The following CDC42BPA variants were observed in gnomAD, a reference collection of about 807,000 sequenced individuals.
CDC42BPA encodes the protein CDC42 binding protein kinase alpha, also known as serine/threonine-protein kinase MRCK alpha.
In CDC42BPA, 80 loss-of-function variants were observed where a neutral mutation model predicts 223.5. The ratio of observed to expected loss-of-function variants is 0.36; its 90% CI spans 0.30 to 0.43. The LOEUF is 0.43. CDC42BPA is among the 20% of genes least tolerant of loss of function. The pLI, the probability that CDC42BPA is intolerant of heterozygous loss-of-function variation, is 1.00. For synonymous variants in CDC42BPA, 694 were observed against 718.6 expected (o/e 0.97, Z 0.55); for missense variants, 1,743 against 2,099.9 (o/e 0.83, Z 3.32).
chr1:227,129,515 A>G (rs1656543292), intron 10 of CDC42BPA, among the ~76,000 whole-genome samples: 1 of 151,718 alleles, frequency 6.6e-6, no homozygotes, highest in South Asian at 2.1e-4. Context: ...AAAAGATATA[A>G]AAATTGGCAG....
chr1:227,124,553 T>C (rs934987501), intron 11 of CDC42BPA, among the ~76,000 whole-genome samples: 1 of 152,026 alleles, frequency 6.6e-6, no homozygotes, highest in African/African-American at 2.4e-5. Flanking sequence ...CTTCAATTTG[T>C]ATTTTTTTAA....
intron 17 of CDC42BPA, 60 bp downstream of exon 17, chr1:227,080,833 A>G: frequency 6.9e-6 from 11 of 1,594,540 alleles, no homozygotes; most frequent in Non-Finnish European, 9.4e-6. Flanking sequence ...CCTGGAATTC[A>G]TACCAACTTG....
chr1:227,087,415 A>G (rs1682196578), intron 16 of CDC42BPA, among the ~76,000 whole-genome samples: 1 of 152,340 alleles, frequency 6.6e-6, no homozygotes, highest in East Asian at 1.9e-4. Context: ...CCAGTACTAC[A>G]TGTTTTTGAT....
At chr1:227,062,387 C>T (rs1223224384) in intron 21 of CDC42BPA, among the ~76,000 whole-genome samples, 2 of 152,190 alleles carry the variant, frequency 1.3e-5, no homozygotes, top group Non-Finnish European at 2.9e-5. Context: ...CCTCCTGGTT[C>T]AATCAGAAAT....
intron 1 of CDC42BPA, among the ~76,000 whole-genome samples, chr1:227,256,870 G>A (rs535155926): frequency 4.0e-5 from 6 of 150,918 alleles, no homozygotes; most frequent in Admixed American, 1.3e-4. Context: ...AGCATTATTC[G>A]CAGTAGCCAA....
Position 227,096,445 on chromosome 1 carries a change from T to A in CDC42BPA, c.2250-4454A>T, listed in dbSNP as rs144000648. On this transcript the variant is annotated intron_variant, in intron 15 of 36. Transcript: ENST00000366766. ...TTGTCTTCCCACTCACTGGTAAGCATCCTGAAACAGATTCTGTAACTACTT... is the reference window on the plus strand; with the variant it reads ...TTGTCTTCCCACTCACTGGTAAGCAACCTGAAACAGATTCTGTAACTACTT... 2.3e-4 allele frequency among the ~76,000 whole-genome samples: 35 copies of A among 152,338 alleles called. No individual in the cohort carries two copies. The East Asian group carries it at 5.6e-3, about 24-fold the overall frequency.
intron 2 of CDC42BPA, among the ~76,000 whole-genome samples, chr1:227,243,739 G>C (rs1202618398): frequency 6.8e-6 from 1 of 148,082 alleles, no homozygotes; most frequent in Non-Finnish European, 1.5e-5. Flanking sequence ...GAAATGCCAA[G>C]CCACGGAAAA....
At chr1:227,085,873 A>G (rs1156229702) in intron 16 of CDC42BPA, among the ~76,000 whole-genome samples, 1 of 152,200 alleles carries the variant, frequency 6.6e-6, no homozygotes, top group African/African-American at 2.4e-5. Context: ...CACCCATTAT[A>G]AGTGTATACT....
intron 5 of CDC42BPA, among the ~76,000 whole-genome samples, chr1:227,188,842 T>C (rs1193393877): frequency 1.3e-5 from 2 of 152,116 alleles, no homozygotes; most frequent in African/African-American, 4.8e-5. Context: ...AATGTAAACA[T>C]GTAAACTATG....
chr1:227,056,583 G>C (rs1572524917), intron 21 of CDC42BPA, among the ~76,000 whole-genome samples: 1 of 151,810 alleles, frequency 6.6e-6, no homozygotes, highest in Non-Finnish European at 1.5e-5. Flanking sequence ...GTAGAGGCAG[G>C]GTCTCCCTAT....
chr1:227,112,512 G>T, intron 13 of CDC42BPA, 90 bp from the exon 14 acceptor site: 1 of 1,048,116 alleles, frequency 9.5e-7, no homozygotes, highest in Non-Finnish European at 1.3e-6. Context: ...CCTTGTAACA[G>T]GAAGATAATT....
At chr1:227,019,780 T>C (rs191292957) in intron 32 of CDC42BPA, among the ~76,000 whole-genome samples, 1 of 152,224 alleles carries the variant, frequency 6.6e-6, no homozygotes, top group Non-Finnish European at 1.5e-5. Context: ...ATTACTTTTC[T>C]GAGCAGTAGA....
At chr1:227,064,280 A>G (rs987711957) in intron 21 of CDC42BPA, among the ~76,000 whole-genome samples, 2 of 152,232 alleles carry the variant, frequency 1.3e-5, no homozygotes. Flanking sequence ...CTAAATGAAC[A>G]AAGTGTAGAA....
intron 21 of CDC42BPA, among the ~76,000 whole-genome samples, chr1:227,064,953 C>T (rs1030560240): frequency 9.2e-5 from 14 of 151,962 alleles, no homozygotes; most frequent in East Asian, 3.9e-4. Context: ...AAAAATTAGC[C>T]GGGCGTGGTG....
chr1:227,269,150 A>G (rs1685564020), intron 1 of CDC42BPA, among the ~76,000 whole-genome samples: 1 of 152,240 alleles, frequency 6.6e-6, no homozygotes, highest in Non-Finnish European at 1.5e-5. Context: ...CAAAACAAAA[A>G]CAGTATGTAA....
chr1:227,258,884 A>C (rs1683565747), intron 1 of CDC42BPA, among the ~76,000 whole-genome samples: 1 of 151,176 alleles, frequency 6.6e-6, no homozygotes, highest in Admixed American at 6.6e-5. Context: ...CTTTATATTC[A>C]TTACAACAAT....
intron 4 of CDC42BPA, among the ~76,000 whole-genome samples, chr1:227,199,040 AT>A (rs1286082167): frequency 1.3e-5 from 2 of 152,184 alleles, no homozygotes; most frequent in Admixed American, 6.5e-5. Context: ...GAGCCACCGC[AT>A]CCGGCCTATT....
chr1:227,262,129 C>T (rs1206247527), intron 1 of CDC42BPA, among the ~76,000 whole-genome samples: 1 of 151,902 alleles, frequency 6.6e-6, no homozygotes, highest in African/African-American at 2.4e-5. Context: ...GATTAGTACC[C>T]TCAAGAACTC....
chr1:227,234,482 AT>A (rs1678618324), intron 2 of CDC42BPA: 2 of 152,246 alleles, frequency 1.3e-5, no homozygotes, highest in Middle Eastern at 3.2e-3. Flanking sequence ...CCAGGTGTAC[AT>A]TTAGACCAAT....
Sources: allele counts gnomAD v4.1 joint callset (sites outside exome capture counted in the v4.1 genomes callset), GRCh38; gene constraint gnomAD v4.1.1; transcripts MANE v1.5; gene names NCBI Gene and HGNC (gene_info 2026-07-23, HGNC 2026-07-21).